Variants in SERPINI1 observed in about 807,000 individuals in gnomAD.
SERPINI1 encodes serpin family I member 1.
SERPINI1 carries 19 observed loss-of-function variants against 41.1 expected under a neutral mutation model. The ratio of observed to expected loss-of-function variants is 0.46; its 90% confidence interval spans 0.32 to 0.68. The LOEUF (loss-of-function observed/expected upper bound fraction) is 0.68, where lower values mean the gene tolerates loss of function less well. Among genes scored for constraint, SERPINI1 ranks in the 30% least tolerant of loss-of-function variants. The pLI, the probability that SERPINI1 is intolerant of heterozygous loss-of-function variation, is 0.03. For missense variants in SERPINI1, 460 were observed against 479.2 expected (o/e 0.96, Z 0.37); for synonymous variants, 138 against 156.6 (o/e 0.88, Z 0.89).
chr3:167,815,842 A>G (rs1162082543), intron 6 of SERPINI1, among the ~76,000 whole-genome samples: 1 of 152,186 alleles, frequency 6.6e-6, no homozygotes, highest in Non-Finnish European at 1.5e-5. Context: ...GTTGCATTCA[A>G]TCTTTGCTGT....
At chr3:167,780,947 A>G (rs1299733317) in intron 1 of SERPINI1, among the ~76,000 whole-genome samples, 1 of 152,192 alleles carries the variant, frequency 6.6e-6, no homozygotes, top group Admixed American at 6.5e-5. Flanking sequence ...GCTCTAACAC[A>G]TAATTGTCTG....
intron 5 of SERPINI1, among the ~76,000 whole-genome samples, chr3:167,803,232 T>A (rs1577427443): frequency 6.6e-6 from 1 of 151,662 alleles, no homozygotes; most frequent in African/African-American, 2.4e-5. Context: ...CATATGTAAC[T>A]AACCTGCACA....
chr3:167,818,693 C>A (rs1712210315), intron 6 of SERPINI1, among the ~76,000 whole-genome samples: 1 of 152,088 alleles, frequency 6.6e-6, no homozygotes, highest in Non-Finnish European at 1.5e-5. Flanking sequence ...AATATCCCTG[C>A]CACAACTACC....
intron 1 of SERPINI1, among the ~76,000 whole-genome samples, chr3:167,749,029 C>A (rs969977585): frequency 6.6e-6 from 1 of 152,038 alleles, no homozygotes; most frequent in Admixed American, 6.6e-5. Flanking sequence ...GAGCTGAAAA[C>A]GTAAAGCATT....
intron 1 of SERPINI1, among the ~76,000 whole-genome samples, chr3:167,745,819 G>C (rs1725846707): frequency 6.6e-6 from 1 of 151,898 alleles, no homozygotes; most frequent in African/African-American, 2.4e-5. Context: ...GCATAAAAAG[G>C]AAATAAAATA....
At chr3:167,740,688 G>T (rs1725650113) in intron 1 of SERPINI1, among the ~76,000 whole-genome samples, 1 of 152,176 alleles carries the variant, frequency 6.6e-6, no homozygotes. Context: ...AACAAATTTT[G>T]TTATTAACTG....
intron 6 of SERPINI1, among the ~76,000 whole-genome samples, chr3:167,809,727 T>TA (rs1711799102): frequency 1.3e-5 from 2 of 152,094 alleles, no homozygotes; most frequent in Non-Finnish European, 2.9e-5. Flanking sequence ...TGGTACCTTG[T>TA]AAAAAACTGA....
chr3:167,799,730 C>T (rs568359274), intron 5 of SERPINI1, among the ~76,000 whole-genome samples: 3 of 152,280 alleles, frequency 2.0e-5, no homozygotes, highest in Non-Finnish European at 4.4e-5. Context: ...TTAATGATCG[C>T]CATTCTAACT....
intron 1 of SERPINI1, among the ~76,000 whole-genome samples, chr3:167,751,576 G>A (rs1726049977): frequency 6.6e-6 from 1 of 152,140 alleles, no homozygotes; most frequent in Non-Finnish European, 1.5e-5. Context: ...AAAAATTTGA[G>A]ATGTGTTAAA....
At chr3:167,797,955 T>C (rs1193761263) in intron 5 of SERPINI1, among the ~76,000 whole-genome samples, 1 of 152,164 alleles carries the variant, frequency 6.6e-6, no homozygotes, top group Non-Finnish European at 1.5e-5. Flanking sequence ...TTATGAAGAA[T>C]TCTTTTTGAT....
chr3:167,787,398 C>A (rs775414507), intron 1 of SERPINI1, among the ~76,000 whole-genome samples: 2 of 152,218 alleles, frequency 1.3e-5, no homozygotes, highest in Non-Finnish European at 2.9e-5. Context: ...ATACAACTTG[C>A]AGTACAGTAG....
At chr3:167,782,491 G>C (rs930760171) in intron 1 of SERPINI1, among the ~76,000 whole-genome samples, 1 of 152,138 alleles carries the variant, frequency 6.6e-6, no homozygotes, top group Non-Finnish European at 1.5e-5. Flanking sequence ...GCCTTTACTT[G>C]TCACACTATA....
chr3:167,811,794 G>A (rs1206167177), intron 6 of SERPINI1, among the ~76,000 whole-genome samples: 1 of 152,148 alleles, frequency 6.6e-6, no homozygotes, highest in African/African-American at 2.4e-5. Context: ...ACACAGGACA[G>A]TCCAGGAGTT....
At chr3:167,755,031 T>C (rs116335423) in intron 1 of SERPINI1, among the ~76,000 whole-genome samples, 2,096 of 152,334 alleles carry the variant, frequency 0.014, 44 homozygotes, top group African/African-American at 0.048. Context: ...ACTGTTCTGC[T>C]GTCTGATCAA....
intron 1 of SERPINI1, among the ~76,000 whole-genome samples, chr3:167,763,551 T>G (rs577533241): frequency 7.9e-5 from 12 of 152,232 alleles, no homozygotes; most frequent in African/African-American, 2.9e-4. Context: ...AGCTAATTTA[T>G]CTTGTATCTT....
At chr3:167,809,945 C>T (rs1711808488) in intron 6 of SERPINI1, among the ~76,000 whole-genome samples, 1 of 152,108 alleles carries the variant, frequency 6.6e-6, no homozygotes, top group Non-Finnish European at 1.5e-5. Flanking sequence ...AAGCAAACTT[C>T]CCAGTCTTTC....
At chr3:167,768,149 T>A (rs140135305) in intron 1 of SERPINI1, among the ~76,000 whole-genome samples, 39 of 152,320 alleles carry the variant, frequency 2.6e-4, no homozygotes, top group African/African-American at 9.1e-4. Context: ...TATTTTAAGA[T>A]ATTGCTACAA....
chr3:167,778,760 C>A (rs558918481), intron 1 of SERPINI1, among the ~76,000 whole-genome samples: 1 of 152,272 alleles, frequency 6.6e-6, no homozygotes, highest in African/African-American at 2.4e-5. Flanking sequence ...TATAGGCTGG[C>A]AGAATTCAGG....
At chr3:167,774,572 C>T (rs923355130) in intron 1 of SERPINI1, among the ~76,000 whole-genome samples, 1 of 152,114 alleles carries the variant, frequency 6.6e-6, no homozygotes, top group African/African-American at 2.4e-5. Flanking sequence ...CCAGGCCATA[C>T]AGTAGGAGGT....
Sources: allele counts gnomAD v4.1 joint callset (sites outside exome capture counted in the v4.1 genomes callset), GRCh38; gene constraint gnomAD v4.1.1; transcripts MANE v1.5; gene names NCBI Gene and HGNC (gene_info 2026-07-23, HGNC 2026-07-21).